BRINP2: variants seen among roughly 807,000 people sequenced by gnomAD.
BRINP2 encodes the protein BMP/retinoic acid-inducible neural-specific protein 2.
BRINP2 carries 21 observed loss-of-function variants against 69.2 expected under a neutral mutation model. The ratio of observed to expected loss-of-function variants is 0.30; its 90% CI spans 0.22 to 0.44. BRINP2 has a LOEUF of 0.44. BRINP2 is among the 20% of genes least tolerant of loss of function. BRINP2 has a pLI of 1.00. For missense variants in BRINP2, 877 were observed against 986.0 expected (o/e 0.89, Z 1.48); for synonymous variants, 380 against 394.1 (o/e 0.96, Z 0.42).
chr1:177,199,297 G>A (rs1224224317), intron 1 of BRINP2, among the ~76,000 whole-genome samples: 3 of 152,224 alleles, frequency 2.0e-5, no homozygotes, highest in South Asian at 2.1e-4. Context: ...AACTTTGGCC[G>A]CATACACTAG....
At chr1:177,199,047 A>G (rs1436667331) in intron 1 of BRINP2, among the ~76,000 whole-genome samples, 1 of 152,220 alleles carries the variant, frequency 6.6e-6, no homozygotes, top group East Asian at 1.9e-4. Context: ...TATTTTAGGT[A>G]AGGAAAAAAA....
At chr1:177,271,607 G>C (rs957464396) in intron 4 of BRINP2, among the ~76,000 whole-genome samples, 3 of 152,176 alleles carry the variant, frequency 2.0e-5, no homozygotes, top group African/African-American at 7.2e-5. Context: ...GTCCCAGAGA[G>C]TTCTTGGGAA....
At chr1:177,229,767 T>G in intron 1 of BRINP2, 34 bp from the exon 2 acceptor site, 1 of 1,429,504 alleles carries the variant, frequency 7.0e-7, no homozygotes, top group Non-Finnish European at 9.4e-7. Flanking sequence ...GGTAACAGGG[T>G]GCTCAAATGA....
At position 177,229,908 on chromosome 1, in the gene BRINP2, G is replaced by A. The variant is rs1649812226; in HGVS notation, c.32G>A (p.Gly11Glu). Residue 11 changes from glycine (G) to glutamate (E), a missense_variant, in exon 2 of 8, where the codon GGG becomes GAG. By Grantham distance (98) the Gly-to-Glu change is moderately conservative (BLOSUM62 -2). Around this residue, in one of 3 missense-constraint regions of BRINP2, gnomAD observed 566 missense variants for 625.2 expected, o/e 0.91. Coordinates refer to ENST00000361539, the MANE Select transcript of BRINP2 (RefSeq NM_021165.4). MRWQCGTRFR[G>E]LRPAVAPWTA... Reference sequence around the variant, plus strand: ...TGGCAGTGTGGCACTCGGTTTAGAGGGCTTCGGCCGGCGGTGGCCCCATGG... The same window carrying A: ...TGGCAGTGTGGCACTCGGTTTAGAGAGCTTCGGCCGGCGGTGGCCCCATGG... 6 of 1,605,034 alleles carry A rather than the reference G, an allele frequency of 3.7e-6. No individual in the cohort carries two copies. The highest frequency in any genetic ancestry group is 1.3e-5 in the African/African-American group (1 of 74,776).
chr1:177,227,049 T>C (rs1649714176), intron 1 of BRINP2, among the ~76,000 whole-genome samples: 1 of 152,226 alleles, frequency 6.6e-6, no homozygotes, highest in African/African-American at 2.4e-5. Flanking sequence ...ATCTGGACTT[T>C]CAATGCACTC....
chr1:177,273,664 GC>G (rs1167319712), intron 5 of BRINP2, 71 bp downstream of exon 5: 3 of 981,978 alleles, frequency 3.1e-6, no homozygotes, highest in Non-Finnish European at 4.3e-6. Flanking sequence ...AGATCAAATA[GC>G]GGGAAAAAAT....
chr1:177,174,746 C>T (rs1200304938), intron 1 of BRINP2, among the ~76,000 whole-genome samples: 3 of 152,194 alleles, frequency 2.0e-5, no homozygotes, highest in Non-Finnish European at 2.9e-5. Flanking sequence ...CCTTTCTTTT[C>T]TGCATTCTGG....
chr1:177,244,179 C>T (rs1650300821), intron 2 of BRINP2, among the ~76,000 whole-genome samples: 1 of 152,048 alleles, frequency 6.6e-6, no homozygotes, highest in Non-Finnish European at 1.5e-5. Context: ...ATTTCTGGGG[C>T]TGGAAAGAAA....
At chr1:177,181,820 G>A (rs1648260679) in intron 1 of BRINP2, among the ~76,000 whole-genome samples, 1 of 152,184 alleles carries the variant, frequency 6.6e-6, no homozygotes, top group African/African-American at 2.4e-5. Flanking sequence ...CGGAGCAAGG[G>A]CAGCCTCCTC....
chr1:177,224,276 G>C (rs967244059), intron 1 of BRINP2, among the ~76,000 whole-genome samples: 1 of 152,108 alleles, frequency 6.6e-6, no homozygotes, highest in Non-Finnish European at 1.5e-5. Context: ...TATATGGCTT[G>C]AAAACTTATT....
intron 4 of BRINP2, among the ~76,000 whole-genome samples, chr1:177,259,367 A>G (rs1650870422): frequency 6.6e-6 from 1 of 152,140 alleles, no homozygotes; most frequent in Admixed American, 6.5e-5. Context: ...AGATTGGAGG[A>G]AAGAACCCGT....
At chr1:177,209,531 G>A in intron 1 of BRINP2, among the ~76,000 whole-genome samples, 1 of 152,164 alleles carries the variant, frequency 6.6e-6, no homozygotes, top group East Asian at 1.9e-4. Context: ...AGAATGGTGG[G>A]GCTGGGCAAT....
chr1:177,173,397 A>G (rs1647997581), intron 1 of BRINP2, among the ~76,000 whole-genome samples: 2 of 152,344 alleles, frequency 1.3e-5, no homozygotes, highest in Admixed American at 6.5e-5. Flanking sequence ...AGCTGGCGCC[A>G]AAGTGTTTGA....
intron 1 of BRINP2, among the ~76,000 whole-genome samples, chr1:177,208,245 C>G (rs555792928): frequency 6.6e-6 from 1 of 152,302 alleles, no homozygotes; most frequent in South Asian, 2.1e-4. Context: ...AGATGCCTCC[C>G]AGGCTTGGAG....
At chr1:177,228,704 G>A (rs1649774644) in intron 1 of BRINP2, among the ~76,000 whole-genome samples, 1 of 152,188 alleles carries the variant, frequency 6.6e-6, no homozygotes. Context: ...GACAGCATGT[G>A]CTAGGAATTA....
intron 1 of BRINP2, among the ~76,000 whole-genome samples, chr1:177,190,029 C>T (rs553766025): frequency 2.0e-5 from 3 of 152,136 alleles, no homozygotes; most frequent in Non-Finnish European, 4.4e-5. Flanking sequence ...TCTCATTGTC[C>T]TCCTTTCTGG....
At chr1:177,185,106 T>A (rs866309878) in intron 1 of BRINP2, among the ~76,000 whole-genome samples, 21 of 152,220 alleles carry the variant, frequency 1.4e-4, no homozygotes, top group African/African-American at 4.8e-4. Context: ...TGGTAGAATA[T>A]TAACGTCGCC....
Position 177,212,687 on chromosome 1 carries a change from C to T in BRINP2, c.-76-17114C>T, listed in dbSNP as rs544147306. On this transcript the variant is annotated intron_variant, in intron 1 of 7. Transcript: ENST00000361539. ...CCTAGTATGGTAAAGGTATTTACAT[C>T]ACAGAAGTCTGCACATGTTACAATC... Among the ~76,000 whole-genome samples the T allele has an allele frequency of 2.0e-5, 3 of 152,232 alleles. No individual in the cohort carries two copies. The South Asian group carries it at 6.2e-4, about 32-fold the overall frequency.
At chr1:177,257,456 A>T in intron 4 of BRINP2, 72 bp downstream of exon 4, 1 of 1,407,660 alleles carries the variant, frequency 7.1e-7, no homozygotes, top group Non-Finnish European at 9.6e-7. Context: ...CAGAGCCTCA[A>T]CCATCTCTAG....
Sources: allele counts gnomAD v4.1 joint callset (sites outside exome capture counted in the v4.1 genomes callset), GRCh38; gene constraint gnomAD v4.1.1; regional missense constraint gnomAD v4.1.1; transcripts MANE v1.5; gene names NCBI Gene and HGNC (gene_info 2026-07-23, HGNC 2026-07-21).